Variants in NETO1 observed in about 807,000 individuals in gnomAD.
NETO1 encodes neuropilin and tolloid like 1, also known as neuropilin and tolloid-like protein 1.
Under a neutral mutation model 61.3 loss-of-function variants are expected in NETO1, and 26 were observed. The observed-to-expected ratio is 0.42, with a 90% CI of 0.31 to 0.59. NETO1 has a LOEUF of 0.59. NETO1 is among the 20% of genes least tolerant of loss of function. The pLI is 0.12. For missense variants in NETO1, 531 were observed against 662.8 expected (o/e 0.80, Z 2.18); for synonymous variants, 225 against 225.8 (o/e 1.00, Z 0.03).
At chr18:72,753,783 T>A (rs998239685) in intron 8 of NETO1, among the ~76,000 whole-genome samples, 6 of 152,174 alleles carry the variant, frequency 3.9e-5, no homozygotes, top group Non-Finnish European at 8.8e-5. Flanking sequence ...ATGCAATATA[T>A]TTGGTGACAA....
chr18:72,813,134 G>T (rs953737816), intron 4 of NETO1, among the ~76,000 whole-genome samples: 8 of 152,118 alleles, frequency 5.3e-5, no homozygotes, highest in African/African-American at 1.2e-4. Flanking sequence ...TGTGGAAAAT[G>T]ATAAGAGGGA....
intron 4 of NETO1, among the ~76,000 whole-genome samples, chr18:72,827,975 T>A (rs760821790): frequency 1.1e-4 from 16 of 152,192 alleles, no homozygotes; most frequent in Non-Finnish European, 2.4e-4. Context: ...GAACAAGCCA[T>A]ATTTGGAGGA....
In NETO1 at chr18:72,810,608, T is replaced by C. The variant is rs544435326; in HGVS notation, c.470-16204A>G. Among the ~76,000 whole-genome samples, 7 of 152,370 alleles carry C rather than the reference T, an allele frequency of 4.6e-5. No individual in the cohort carries two copies. The South Asian group carries it at 1.4e-3, about 32-fold the overall frequency. On this transcript the variant is annotated intron_variant, in intron 4 of 10. Transcript: ENST00000327305. ...CCACTGGCATTTAGAAAATCTGTAA[T>C]TTTGAAAAGGCACTGCATTACAAAA...
intron 6 of NETO1, among the ~76,000 whole-genome samples, chr18:72,784,694 T>C (rs1457805580): frequency 2.6e-5 from 4 of 152,244 alleles, no homozygotes; most frequent in Non-Finnish European, 5.9e-5. Context: ...CACAACATTA[T>C]GCTGCCTTAG....
chr18:72,814,373 T>C (rs1441553197), intron 4 of NETO1, among the ~76,000 whole-genome samples: 3 of 151,744 alleles, frequency 2.0e-5, no homozygotes, highest in Non-Finnish European at 4.4e-5. Flanking sequence ...TAACCACTAA[T>C]AGGACAGGGG....
rs1352009351 is a variant in NETO1 at position 72,750,549 on chromosome 18, T to C, written c.1054A>G (p.Ile352Val). The change falls in exon 9 of 11, where the codon ATC becomes GTC. Residue 352 changes from isoleucine to valine, a missense_variant. By Grantham distance (29) the Ile-to-Val change is conservative. Transcript: ENST00000327305. ...SGTVIGVTSC[I>V]VIILIIISVI... ...GAGATGATAATGAGGATGATCACGATGCAGGAAGTCACGCCAATGACAGTC... is the reference window on the plus strand; with the variant it reads ...GAGATGATAATGAGGATGATCACGACGCAGGAAGTCACGCCAATGACAGTC... 4 of 1,613,656 alleles carry C rather than the reference T, an allele frequency of 2.5e-6. No homozygotes were observed. In the South Asian group the frequency reaches 3.3e-5, roughly 13 times the overall value.
At chr18:72,775,692 C>T (rs968500263) in intron 7 of NETO1, among the ~76,000 whole-genome samples, 4 of 152,126 alleles carry the variant, frequency 2.6e-5, no homozygotes, top group Non-Finnish European at 4.4e-5. Flanking sequence ...TTAGAGCATT[C>T]GAGCTCTGTC....
intron 4 of NETO1, among the ~76,000 whole-genome samples, chr18:72,838,599 G>A (rs1568245288): frequency 6.6e-6 from 1 of 152,198 alleles, no homozygotes; most frequent in Non-Finnish European, 1.5e-5. Context: ...TTTCTAGTAA[G>A]AAGTGGGCAC....
rs368514629 is a variant in NETO1 at position 72,835,104 on chromosome 18, T to G, written c.469+23722A>C. The G allele has an allele frequency of 2.1e-4, 241 of 1,152,564 alleles. No individual in the cohort carries two copies. The African/African-American group carries it at 3.7e-3, about 18-fold the overall frequency. 71.4% of individuals were successfully genotyped at this position (1,152,564 alleles called of 1,614,324 possible). A position where few individuals can be genotyped will look rare whatever the true frequency, so the allele number is the denominator to read the frequency against. On this transcript the variant is annotated intron_variant, in intron 4 of 10. Transcript: ENST00000327305. ...TGGGTTTCAAGGTAGGAGTTCTAAT[T>G]TACTAAGTCCGAATATGTGGCAAAC...
chr18:72,750,468 A>T lies in NETO1; in HGVS notation c.1135T>A (p.Phe379Ile). 6.2e-7 allele frequency: 1 copy of T among 1,614,134 alleles called. No individual in the cohort carries two copies. The highest frequency in any genetic ancestry group is 2.2e-5 in the East Asian group (1 of 44,874). Residue 379 changes from phenylalanine (F) to isoleucine (I), a missense_variant, in exon 9 of 11, where the codon TTT becomes ATT. Coordinates refer to ENST00000327305, the MANE Select transcript of NETO1 (RefSeq NM_138966.5). ...ACCTCCTGGAAAACTGTCTGGTCAA[A>T]GTCTGATTTCCTTTGGACATACTTT... ...RKKYVQRKSD[F>I]DQTVFQEVFE...
At chr18:72,823,767 T>C (rs1329968599) in intron 4 of NETO1, among the ~76,000 whole-genome samples, 2 of 152,190 alleles carry the variant, frequency 1.3e-5, no homozygotes, top group Non-Finnish European at 2.9e-5. Flanking sequence ...CACATGCTTG[T>C]GTCCATCGAG....
chr18:72,865,361 G>A (rs2145699488), intron 1 of NETO1, 120 bp from the exon 2 acceptor site: 2 of 1,140,996 alleles, frequency 1.8e-6, no homozygotes, highest in Middle Eastern at 2.4e-4. Context: ...ATTGTTAACT[G>A]TTAGAAGTCG....
rs918795007 is a variant in NETO1 at position 72,829,154 on chromosome 18, A to T, written c.469+29672T>A. ...AGAAATTGAAAAACACAATCATTATAAAAAAAGAATGGATTGAAGAAGACA... is the reference window on the plus strand; with the variant it reads ...AGAAATTGAAAAACACAATCATTATTAAAAAAGAATGGATTGAAGAAGACA... On this transcript the variant is annotated intron_variant, in intron 4 of 10. Coordinates refer to ENST00000327305, the MANE Select transcript of NETO1 (RefSeq NM_138966.5). 2.0e-5 allele frequency among the ~76,000 whole-genome samples: 3 copies of T among 152,174 alleles called. No homozygotes were observed. In the East Asian group the frequency reaches 5.8e-4, roughly 29 times the overall value.
intron 4 of NETO1, among the ~76,000 whole-genome samples, chr18:72,798,587 G>A (rs1043483996): frequency 6.6e-5 from 10 of 152,156 alleles, no homozygotes; most frequent in East Asian, 3.9e-4. Flanking sequence ...ATTTTAGTCC[G>A]CATGTGACAC....
chr18:72,841,212 G>A (rs1226078146), intron 4 of NETO1, among the ~76,000 whole-genome samples: 2 of 152,130 alleles, frequency 1.3e-5, no homozygotes, highest in Non-Finnish European at 2.9e-5. Context: ...TTCTTGAGAA[G>A]CTTGAACAAA....
chr18:72,777,601 G>A (rs1399565300), intron 7 of NETO1, among the ~76,000 whole-genome samples: 2 of 151,762 alleles, frequency 1.3e-5, no homozygotes, highest in African/African-American at 2.4e-5. Context: ...AAATTAGCAG[G>A]GCGTGGTGGC....
At chr18:72,810,848 G>A (rs964619611) in intron 4 of NETO1, among the ~76,000 whole-genome samples, 1 of 152,130 alleles carries the variant, frequency 6.6e-6, no homozygotes, top group Non-Finnish European at 1.5e-5. Flanking sequence ...TTTTAGGTTC[G>A]GTGATGTTAG....
intron 2 of NETO1, 39 bp from the exon 3 acceptor site, chr18:72,864,984 T>A: frequency 6.4e-7 from 1 of 1,563,564 alleles, no homozygotes; most frequent in Non-Finnish European, 8.6e-7. Context: ...AGAGCCATCA[T>A]CCAATTTTCT....
chr18:72,828,347 A>T (rs1013068064), intron 4 of NETO1, among the ~76,000 whole-genome samples: 3 of 152,172 alleles, frequency 2.0e-5, no homozygotes, highest in Non-Finnish European at 4.4e-5. Context: ...CTCCCAAAAC[A>T]GAAGCAACAT....
Sources: allele counts gnomAD v4.1 joint callset (sites outside exome capture counted in the v4.1 genomes callset), GRCh38; gene constraint gnomAD v4.1.1; transcripts MANE v1.5; gene names NCBI Gene and HGNC (gene_info 2026-07-23, HGNC 2026-07-21).